SLC3A1: variants seen among roughly 807,000 people sequenced by gnomAD.
The protein encoded by SLC3A1 is amino acid transporter heavy chain SLC3A1.
Under a neutral mutation model 60.3 loss-of-function variants are expected in SLC3A1, and 78 were observed. The observed-to-expected ratio is 1.29, with a 90% CI of 1.08 to 1.56. The LOEUF (loss-of-function observed/expected upper bound fraction) is 1.56. Among genes scored for constraint, SLC3A1 ranks in the 40% most tolerant of loss-of-function variants. The pLI is 0.00. For missense variants in SLC3A1, 1,172 were observed against 858.9 expected (o/e 1.36, Z -4.56); for synonymous variants, 392 against 307.9 (o/e 1.27, Z -2.86).
At chr2:44,295,727 C>T (rs894076710) in intron 4 of SLC3A1, among the ~76,000 whole-genome samples, 3 of 152,138 alleles carry the variant, frequency 2.0e-5, no homozygotes, top group African/African-American at 4.8e-5. Context: ...ATCCGGACTC[C>T]GTAAAGAAAA....
chr2:44,283,498 G>T (rs1279712627), intron 3 of SLC3A1, among the ~76,000 whole-genome samples: 2 of 152,200 alleles, frequency 1.3e-5, no homozygotes, highest in Non-Finnish European at 1.5e-5. Flanking sequence ...CTGTTTTGCA[G>T]ATAGGCAGAC....
At chr2:44,301,609 G>T (rs1335257584) in intron 6 of SLC3A1, among the ~76,000 whole-genome samples, 1 of 151,486 alleles carries the variant, frequency 6.6e-6, no homozygotes, top group Non-Finnish European at 1.5e-5. Context: ...TGTGGTGGTG[G>T]GTGCCTGTAA....
Position 44,286,150 on chromosome 2 carries a change from A to G in SLC3A1, c.884A>G (p.Glu295Gly). 6.2e-7 allele frequency: 1 copy of G among 1,614,038 alleles called. No individual in the cohort carries two copies. Among genetic ancestry groups the G allele is most frequent in the Non-Finnish European group, 8.5e-7 (1 of 1,179,932 alleles). Residue 295 changes from glutamate to glycine, a missense_variant, in exon 4 of 10, where the codon GAA (glutamate) becomes GGA (glycine). Glu to Gly is a moderately conservative substitution (Grantham distance 98, BLOSUM62 -2). Coordinates refer to ENST00000260649, the MANE Select transcript of SLC3A1 (RefSeq NM_000341.4). ...TTCCGCAATCCTGATGTTCAAGAAG[A>G]AATAAAAGTGAGTATAGATACCCAC... ...LNFRNPDVQE[E>G]IKEILRFWLT...
intron 3 of SLC3A1, among the ~76,000 whole-genome samples, chr2:44,282,660 G>A (rs1671527442): frequency 1.3e-5 from 2 of 152,056 alleles, no homozygotes; most frequent in South Asian, 4.2e-4. Flanking sequence ...CAGAGACAGG[G>A]TCTTGCTCTT....
rs768679653 is a variant in SLC3A1 at position 44,301,060 on chromosome 2, A to G, written c.1069A>G (p.Met357Val). The G allele has an allele frequency of 2.5e-6, 4 of 1,614,206 alleles. No homozygotes were observed. Among genetic ancestry groups the G allele is most frequent in the Non-Finnish European group, 3.4e-6 (4 of 1,180,036 alleles). The stretch of plus-strand genomic sequence containing the variant: ...TGACTTCACCACCACGCAGGTGGGA[A>G]TGCACGACATTGTCCGCAGCTTCCG... ...YHDFTTTQVG[M>V]HDIVRSFRQT... Residue 357 changes from methionine to valine, a missense_variant, in exon 6 of 10, where the codon ATG becomes GTG. Coordinates refer to ENST00000260649, the MANE Select transcript of SLC3A1 (RefSeq NM_000341.4).
At chr2:44,300,957 T>G in intron 5 of SLC3A1, 46 bp from the exon 6 acceptor site, 6 of 1,612,008 alleles carry the variant, frequency 3.7e-6, no homozygotes, top group Non-Finnish European at 5.1e-6. Context: ...GCTGTGGGCA[T>G]GCAATGTATG....
In SLC3A1 at chr2:44,320,285, C is replaced by A. The variant is rs1672815338; in HGVS notation, c.1704C>A (p.Gly568=). The part of the protein sequence containing the change: ...LHANELLLNR[G]WFCHLRNDSH... ...CCAATGAGCTACTCCTCAACAGGGGCTGGTTTTGCCATTTGAGGAATGACA... is the reference window on the plus strand; with the variant it reads ...CCAATGAGCTACTCCTCAACAGGGGATGGTTTTGCCATTTGAGGAATGACA... Residue 568 remains glycine (G), a synonymous_variant, in exon 10 of 10, where the codon GGC becomes GGA. Coordinates refer to ENST00000260649, the MANE Select transcript of SLC3A1 (RefSeq NM_000341.4). 2 of 1,613,890 alleles carry A rather than the reference C, an allele frequency of 1.2e-6. No individual in the cohort carries two copies. Among genetic ancestry groups the A allele is most frequent in the African/African-American group, 1.3e-5 (1 of 74,918 alleles).
At chr2:44,309,204 C>T (rs1672232782) in intron 7 of SLC3A1, among the ~76,000 whole-genome samples, 1 of 152,182 alleles carries the variant, frequency 6.6e-6, no homozygotes, top group African/African-American at 2.4e-5. Context: ...ACCCACTAAA[C>T]AATAATTCCT....
At chr2:44,285,591 T>G (rs1051222377) in intron 3 of SLC3A1, 5 of 441,430 alleles carry the variant, frequency 1.1e-5, no homozygotes, top group African/African-American at 8.3e-5. Flanking sequence ...CTAATAATTT[T>G]CTGGGGATAT....
intron 8 of SLC3A1, 108 bp downstream of exon 8, chr2:44,312,861 A>T (rs1672334379): frequency 1.1e-6 from 1 of 878,780 alleles, no homozygotes; most frequent in African/African-American, 1.7e-5. Flanking sequence ...CATTGCTGAA[A>T]ATCATGGTTA....
intron 4 of SLC3A1, among the ~76,000 whole-genome samples, chr2:44,298,187 T>TA (rs34512765): frequency 1.1e-4 from 16 of 151,960 alleles, no homozygotes; most frequent in Admixed American, 8.5e-4. Context: ...ATCAGATCTT[T>TA]AAAAAAAATG....
intron 3 of SLC3A1, among the ~76,000 whole-genome samples, chr2:44,282,683 G>C (rs1421953895): frequency 6.6e-6 from 1 of 151,874 alleles, no homozygotes; most frequent in African/African-American, 2.4e-5. Context: ...TCCCAGGCTG[G>C]AGTGCAGTGG....
rs771707341 is a variant in SLC3A1, at chr2:44,321,422, C to G, written c.*783C>G. On this transcript the variant is annotated 3_prime_UTR_variant, in exon 10 of 10. Coordinates refer to ENST00000260649, the MANE Select transcript of SLC3A1 (RefSeq NM_000341.4). ...TGCTGTCAAGTCCAAGTTCCTCGTACAGGAATTTAATTTGGGCTGTAATCT... is the reference window on the plus strand; with the variant it reads ...TGCTGTCAAGTCCAAGTTCCTCGTAGAGGAATTTAATTTGGGCTGTAATCT... 11 of 1,612,732 alleles carry G rather than the reference C, an allele frequency of 6.8e-6. No homozygotes were observed. In the South Asian group the frequency reaches 1.1e-4, roughly 16 times the overall value.
rs368689927 is a variant in SLC3A1, at chr2:44,313,839, C to G, written c.1505C>G (p.Thr502Ser). The G allele has an allele frequency of 1.1e-5, 17 of 1,612,252 alleles. No individual in the cohort carries two copies. In the African/African-American group the frequency reaches 2.0e-4, roughly 19 times the overall value. The change falls in exon 9 of 10, where the codon ACC (threonine) becomes AGC (serine). Residue 502 changes from threonine (T) to serine (S), a missense_variant. Physicochemically the swap from Thr to Ser is moderately conservative, Grantham distance 58 (BLOSUM62 1). Transcript: ENST00000260649. ...CTTTCTGGTCTTTTGACATAGAATA[C>G]CCTTCGCTCAAAGTCACCAATGCAG... ...ANLNESYDIN[T>S]LRSKSPMQWD...
chr2:44,280,820 G>T lies in SLC3A1; in HGVS notation c.535G>T (p.Asp179Tyr), dbSNP rs747660493. Reference sequence around the variant, plus strand: ...TAAAGATTTCAGATATGGTGTTGAAGATTTCCGGGAAGTTGATCCCATTTT... The same window carrying T: ...TAAAGATTTCAGATATGGTGTTGAATATTTCCGGGAAGTTGATCCCATTTT... The part of the protein sequence containing the change: ...SLKDFRYGVE[D>Y]FREVDPIFGT... Residue 179 changes from aspartate to tyrosine, a missense_variant, in exon 2 of 10, where the codon GAT (aspartate) becomes TAT (tyrosine). Transcript: ENST00000260649. 9 of 1,613,836 alleles carry T rather than the reference G, an allele frequency of 5.6e-6. No individual in the cohort carries two copies. Among genetic ancestry groups the T allele is most frequent in the Non-Finnish European group, 7.6e-6 (9 of 1,179,876 alleles).
chr2:44,301,216 A>T, intron 6 of SLC3A1, 89 bp downstream of exon 6: 1 of 1,517,926 alleles, frequency 6.6e-7, no homozygotes, highest in African/African-American at 1.4e-5. Context: ...TTGGAGGTTC[A>T]AGTAATAATG....
chr2:44,320,262 A>C lies in SLC3A1; in HGVS notation c.1681A>C (p.Asn561His), dbSNP rs1415279780. 4 of 1,614,114 alleles carry C rather than the reference A, an allele frequency of 2.5e-6. No individual in the cohort carries two copies. The East Asian group carries it at 8.9e-5, about 36-fold the overall frequency. The change falls in exon 10 of 10, where the codon AAT becomes CAT. Residue 561 changes from asparagine (N) to histidine (H), a missense_variant. Coordinates refer to ENST00000260649, the MANE Select transcript of SLC3A1 (RefSeq NM_000341.4). Reference protein sequence around the residue: ...LYQDLSLLHANELLLNRGWFC... With the variant: ...LYQDLSLLHAHELLLNRGWFC... The stretch of plus-strand genomic sequence containing the variant: ...TCAAGATTTAAGTCTACTTCATGCC[A>C]ATGAGCTACTCCTCAACAGGGGCTG...
chr2:44,315,799 A>T (rs931816094), intron 9 of SLC3A1, among the ~76,000 whole-genome samples: 2 of 151,866 alleles, frequency 1.3e-5, no homozygotes. Context: ...GGAAAAAAAA[A>T]TCTAGAACTG....
chr2:44,282,032 C>T (rs1322864610), intron 3 of SLC3A1, among the ~76,000 whole-genome samples: 6 of 152,052 alleles, frequency 3.9e-5, no homozygotes. Context: ...TCATCATACT[C>T]GGCTAATTTT....
Sources: gnomAD v4.1 joint callset for allele counts (sites outside exome capture counted in the v4.1 genomes callset) on GRCh38, gnomAD v4.1.1 for gene constraint, MANE v1.5 for transcripts, NCBI Gene and HGNC (gene_info 2026-07-23, HGNC 2026-07-21) for gene names.